Variants in FRMD4A observed in about 807,000 individuals in gnomAD.
FRMD4A encodes FERM domain-containing protein 4A.
In FRMD4A, 29 loss-of-function variants were observed where a neutral mutation model predicts 129.1. That is an observed-to-expected ratio of 0.22 (90% CI 0.17 to 0.31). The LOEUF (loss-of-function observed/expected upper bound fraction) is 0.31. Among genes scored for constraint, FRMD4A ranks in the 10% least tolerant of loss-of-function variants. FRMD4A has a pLI of 1.00. For synonymous variants in FRMD4A, 634 were observed against 571.6 expected, an observed-to-expected ratio of 1.11 and a Z score of -1.56; for missense variants, 1,272 against 1,375.8, an observed-to-expected ratio of 0.92 and a Z score of 1.19.
chr10:14,330,728 C>T lies in FRMD4A; in HGVS notation c.-213G>A, dbSNP rs910602701. ...GCAGTCACTGGAGATCAGCAAATGCCCTTACCATCCCCGAGGAGGAAGTCA... is the reference window on the plus strand; with the variant it reads ...GCAGTCACTGGAGATCAGCAAATGCTCTTACCATCCCCGAGGAGGAAGTCA... On this transcript the variant is annotated 5_prime_UTR_variant, in exon 1 of 25. Transcript: ENST00000357447. 7.5e-6 allele frequency: 3 copies of T among 398,820 alleles called. No individual in the cohort carries two copies. Among genetic ancestry groups the T allele is most frequent in the Non-Finnish European group, 1.3e-5 (3 of 226,356 alleles). The allele number at this position is 398,820 out of a possible 1,614,324, so 24.7% of individuals were successfully genotyped here.
chr10:14,282,689 G>C (rs890494371), intron 2 of FRMD4A, among the ~76,000 whole-genome samples: 1 of 152,146 alleles, frequency 6.6e-6, no homozygotes, highest in Non-Finnish European at 1.5e-5. Context: ...AATCAATGGA[G>C]CTTAGACTCC....
At chr10:14,102,492 T>C (rs1053979278) in intron 2 of FRMD4A, among the ~76,000 whole-genome samples, 5 of 152,182 alleles carry the variant, frequency 3.3e-5, no homozygotes, top group African/African-American at 1.2e-4. Context: ...TTATTTCTCA[T>C]TCACCCAGCT....
intron 2 of FRMD4A, among the ~76,000 whole-genome samples, chr10:13,992,486 A>G (rs2131429881): frequency 6.6e-6 from 1 of 152,286 alleles, no homozygotes; most frequent in South Asian, 2.1e-4. Flanking sequence ...CTCGGGTCAC[A>G]TGGCCAGCCC....
Position 13,657,358 on chromosome 10 carries a change from A to T in FRMD4A, c.2231T>A (p.Met744Lys). Residue 744 changes from methionine to lysine, a missense_variant, in exon 22 of 25, where the codon ATG (methionine) becomes AAG (lysine). Met to Lys is a moderately conservative substitution (Grantham distance 95, BLOSUM62 -1). This residue lies in a region of FRMD4A where 972 missense variants were observed against 892.3 expected (regional missense o/e 1.09). Coordinates refer to ENST00000357447, the MANE Select transcript of FRMD4A (RefSeq NM_018027.5). Reference sequence around the variant, plus strand: ...GCTGGTGCACGACGAGCAGTCGTCCATGGGGTCTGAGCCGTTGCTGCTACG... The same window carrying T: ...GCTGGTGCACGACGAGCAGTCGTCCTTGGGGTCTGAGCCGTTGCTGCTACG... ...RTRSSNGSDP[M>K]DDCSSCTSHS... 6.2e-7 allele frequency: 1 copy of T among 1,611,112 alleles called. No individual in the cohort carries two copies. The highest frequency in any genetic ancestry group is 8.5e-7 in the Non-Finnish European group (1 of 1,179,542).
Position 14,079,883 on chromosome 10 carries a change from G to T in FRMD4A, c.46-220971C>A, listed in dbSNP as rs931713080. 1.1e-4 allele frequency among the ~76,000 whole-genome samples: 16 copies of T among 152,206 alleles called. 1 individual carries two copies. Among genetic ancestry groups the T allele is most frequent in the African/African-American group, 3.9e-4 (16 of 41,442 alleles). On this transcript the variant is annotated intron_variant, in intron 2 of 24. Coordinates refer to ENST00000357447, the MANE Select transcript of FRMD4A (RefSeq NM_018027.5). ...CCCAGAAACACAGTGAGGGTCTGTG[G>T]TCAAGGATGTGGAGTTTCTATCCAC...
chr10:13,746,536 T>C (rs1465378341), intron 9 of FRMD4A, among the ~76,000 whole-genome samples: 2 of 152,142 alleles, frequency 1.3e-5, no homozygotes, highest in Non-Finnish European at 2.9e-5. Context: ...AGACATGCCC[T>C]ACCCCAGACA....
At chr10:14,106,075 T>C (rs1837572344) in intron 2 of FRMD4A, among the ~76,000 whole-genome samples, 3 of 152,232 alleles carry the variant, frequency 2.0e-5, no homozygotes. Context: ...AGTTAGAATA[T>C]ACCCACAACA....
intron 2 of FRMD4A, chr10:14,003,578 G>A (rs1037247298): frequency 1.3e-5 from 2 of 152,224 alleles, no homozygotes; most frequent in Admixed American, 6.5e-5. Flanking sequence ...CAGCAACTCT[G>A]TAAGTATTTG....
At chr10:14,312,674 C>A (rs1717501) in intron 2 of FRMD4A, among the ~76,000 whole-genome samples, 128,738 of 151,782 alleles carry the variant, frequency 0.85, 54,801 homozygotes, top group Non-Finnish European at 0.87. Context: ...ACTTACACAG[C>A]ATGAGGTAGC....
chr10:14,039,471 T>TTGGAACCCCAAA (rs1833689440), intron 2 of FRMD4A, among the ~76,000 whole-genome samples: 1 of 111,546 alleles, frequency 9.0e-6, no homozygotes, highest in African/African-American at 3.4e-5. Context: ...TCTATCTATC[T>TTGGAACCCCAAA]ATCTATCTAT....
intron 2 of FRMD4A, among the ~76,000 whole-genome samples, chr10:14,188,315 G>T (rs1404727391): frequency 6.6e-6 from 1 of 152,142 alleles, no homozygotes; most frequent in African/African-American, 2.4e-5. Context: ...GCTTTTCTCA[G>T]ACTTGAATGC....
intron 2 of FRMD4A, among the ~76,000 whole-genome samples, chr10:13,906,751 C>T (rs188735068): frequency 6.6e-6 from 1 of 152,306 alleles, no homozygotes; most frequent in African/African-American, 2.4e-5. Context: ...GCCCTACATT[C>T]CAATTCCATC....
chr10:14,120,777 C>T (rs1435781202), intron 2 of FRMD4A, among the ~76,000 whole-genome samples: 1 of 152,106 alleles, frequency 6.6e-6, no homozygotes, highest in African/African-American at 2.4e-5. Flanking sequence ...CATGCAGACA[C>T]TGAGACCCAG....
Position 13,659,462 on chromosome 10 carries a change from T to G in FRMD4A, c.1927A>C (p.Ser643Arg). ...SSHKRFPSTG[S>R]CAEAGGGSNS... The stretch of plus-strand genomic sequence containing the variant: ...CTTCCTCCGCCGGCTTCCGCACAGC[T>G]TCCTGTGCTGGGGAAGCGCTTGTGG... Residue 643 changes from serine to arginine, a missense_variant, in exon 21 of 25, where the codon AGC (serine) becomes CGC (arginine). This residue lies in a region of FRMD4A where 972 missense variants were observed against 892.3 expected (regional missense o/e 1.09). Coordinates refer to ENST00000357447, the MANE Select transcript of FRMD4A (RefSeq NM_018027.5). The G allele has an allele frequency of 6.2e-7, 1 of 1,613,670 alleles. No individual in the cohort carries two copies. The highest frequency in any genetic ancestry group is 1.1e-5 in the South Asian group (1 of 91,056).
chr10:14,205,351 A>G (rs1842752015), intron 2 of FRMD4A, among the ~76,000 whole-genome samples: 1 of 152,112 alleles, frequency 6.6e-6, no homozygotes, highest in Non-Finnish European at 1.5e-5. Flanking sequence ...TCTCTCGGCC[A>G]TGGGAGGATT....
chr10:13,689,729 A>T (rs1044283674), intron 15 of FRMD4A, among the ~76,000 whole-genome samples: 2 of 145,186 alleles, frequency 1.4e-5, no homozygotes, highest in African/African-American at 5.0e-5. Flanking sequence ...TATTAAGAAG[A>T]TTTTTTTTTT....
intron 8 of FRMD4A, among the ~76,000 whole-genome samples, chr10:13,754,623 A>G (rs1310326280): frequency 6.6e-6 from 1 of 151,752 alleles, no homozygotes; most frequent in Non-Finnish European, 1.5e-5. Context: ...TAAATAGTAT[A>G]TGAGAATTAT....
At chr10:14,322,527 G>T (rs1843101729) in intron 2 of FRMD4A, among the ~76,000 whole-genome samples, 1 of 152,192 alleles carries the variant, frequency 6.6e-6, no homozygotes, top group Non-Finnish European at 1.5e-5. Flanking sequence ...CAGATGACAG[G>T]GAAAACCATG....
chr10:14,123,718 T>C (rs1838666295), intron 2 of FRMD4A, among the ~76,000 whole-genome samples: 1 of 152,236 alleles, frequency 6.6e-6, no homozygotes, highest in African/African-American at 2.4e-5. Flanking sequence ...TTGACTCCTG[T>C]TCCTGGGAGA....
Sources: allele counts gnomAD v4.1 joint callset (sites outside exome capture counted in the v4.1 genomes callset), GRCh38; gene constraint gnomAD v4.1.1; regional missense constraint gnomAD v4.1.1; transcripts MANE v1.5; gene names NCBI Gene and HGNC (gene_info 2026-07-23, HGNC 2026-07-21).